MSRA: variants seen among roughly 807,000 people sequenced by gnomAD.
MSRA encodes methionine sulfoxide reductase A, also known as mitochondrial peptide methionine sulfoxide reductase.
MSRA carries 54 observed loss-of-function variants against 31.3 expected under a neutral mutation model. The ratio of observed to expected loss-of-function variants is 1.73; its 90% CI spans 1.39 to 2.17. The LOEUF is 2.17. MSRA is among the 30% of genes most tolerant of loss of function. The probability of loss-of-function intolerance (pLI) is 0.00; values close to 1 mark genes in which losing one functional copy is unlikely to be tolerated. For missense variants in MSRA, 507 were observed against 300.9 expected (o/e 1.69, Z -5.07); for synonymous variants, 169 against 116.5 (o/e 1.45, Z -2.90).
intron 5 of MSRA, among the ~76,000 whole-genome samples, chr8:10,397,595 C>T (rs13252982): frequency 2.0e-5 from 3 of 152,062 alleles, no homozygotes; most frequent in Admixed American, 6.5e-5. Context: ...TCTTCATCCA[C>T]GACGGTAGCT....
At chr8:10,329,034 C>G (rs1802539052) in intron 5 of MSRA, among the ~76,000 whole-genome samples, 2 of 152,172 alleles carry the variant, frequency 1.3e-5, no homozygotes, top group Non-Finnish European at 2.9e-5. Context: ...TCTCTTGACA[C>G]CGAAGTTGCT....
intron 5 of MSRA, among the ~76,000 whole-genome samples, chr8:10,358,694 G>A (rs1292393002): frequency 2.2e-5 from 3 of 137,218 alleles, no homozygotes; most frequent in Admixed American, 7.8e-5. Context: ...CCGGGTTCAC[G>A]CCATTCTCCT....
intron 5 of MSRA, among the ~76,000 whole-genome samples, chr8:10,349,683 G>A (rs1445144894): frequency 6.6e-6 from 1 of 152,186 alleles, no homozygotes. Context: ...ACGGGGCCTG[G>A]CGCTCCTCGA....
intron 3 of MSRA, among the ~76,000 whole-genome samples, chr8:10,258,614 A>G (rs1244660260): frequency 6.6e-6 from 1 of 152,208 alleles, no homozygotes; most frequent in Non-Finnish European, 1.5e-5. Context: ...TAAGCCCTGC[A>G]CGGTGCTTCC....
rs549875312 is a variant in MSRA at position 10,426,428 on chromosome 8, G to A, written c.544-1720G>A. ...AAATTGCCAAAAGTCATTGCTGATG[G>A]CATTCCACGGACTCTCTGGAGAGGG... On this transcript the variant is annotated intron_variant, in intron 5 of 5. Coordinates refer to ENST00000317173, the MANE Select transcript of MSRA (RefSeq NM_012331.5). Among the ~76,000 whole-genome samples the A allele has an allele frequency of 3.9e-5, 6 of 152,368 alleles. No homozygotes were observed. The East Asian group carries it at 1.2e-3, about 29-fold the overall frequency.
At chr8:10,248,290 C>T (rs908483255) in intron 3 of MSRA, among the ~76,000 whole-genome samples, 4 of 152,172 alleles carry the variant, frequency 2.6e-5, no homozygotes, top group African/African-American at 4.8e-5. Flanking sequence ...GGATTGTGTG[C>T]AGATTCCTTC....
chr8:10,202,716 A>G (rs1010201509), intron 1 of MSRA, among the ~76,000 whole-genome samples: 10 of 152,260 alleles, frequency 6.6e-5, no homozygotes, highest in South Asian at 2.1e-4. Flanking sequence ...TAAAGTTCAC[A>G]CAGGTGATAA....
intron 5 of MSRA, among the ~76,000 whole-genome samples, chr8:10,409,653 A>C (rs1808036195): frequency 2.0e-5 from 3 of 152,250 alleles, no homozygotes; most frequent in Non-Finnish European, 4.4e-5. Context: ...GGGTGAATGC[A>C]TACGCAGCAT....
intron 3 of MSRA, among the ~76,000 whole-genome samples, chr8:10,271,665 A>C (rs1180180283): frequency 6.6e-6 from 1 of 152,158 alleles, no homozygotes; most frequent in African/African-American, 2.4e-5. Context: ...TCTTTTATAA[A>C]ATAGTTTGCT....
At chr8:10,270,596 T>A (rs1318350956) in intron 3 of MSRA, among the ~76,000 whole-genome samples, 1 of 152,156 alleles carries the variant, frequency 6.6e-6, no homozygotes, top group Non-Finnish European at 1.5e-5. Context: ...ACAGGGCCAC[T>A]GAAACCACGT....
intron 1 of MSRA, among the ~76,000 whole-genome samples, chr8:10,176,320 G>T (rs917581385): frequency 6.6e-6 from 1 of 152,142 alleles, no homozygotes; most frequent in African/African-American, 2.4e-5. Context: ...CCTCAGAGAT[G>T]CCAGCTCTGT....
chr8:10,266,837 C>G (rs1585315932), intron 3 of MSRA, among the ~76,000 whole-genome samples: 1 of 152,088 alleles, frequency 6.6e-6, no homozygotes, highest in African/African-American at 2.4e-5. Context: ...CCGATGGTGA[C>G]AGAAGTCTTC....
intron 1 of MSRA, among the ~76,000 whole-genome samples, chr8:10,092,406 C>T (rs889005876): frequency 1.3e-5 from 2 of 152,114 alleles, no homozygotes; most frequent in East Asian, 3.9e-4. Context: ...CGCCTGTAAT[C>T]CCAGCAGTTT....
intron 5 of MSRA, among the ~76,000 whole-genome samples, chr8:10,329,886 T>C (rs1246611038): frequency 6.6e-6 from 1 of 151,794 alleles, no homozygotes; most frequent in African/African-American, 2.4e-5. Context: ...CATACATCTC[T>C]ACCTTCAAAA....
At chr8:10,320,067 G>C (rs1801961766) in intron 5 of MSRA, 78 bp downstream of exon 5, 1 of 851,516 alleles carries the variant, frequency 1.2e-6, no homozygotes, top group East Asian at 2.8e-5. Context: ...AGGGCAGTCT[G>C]CTGCTTTTCA....
At position 10,245,293 on chromosome 8, in the gene MSRA, A is replaced by G; in HGVS notation, c.331+70A>G. ...GGGCTTGTCACTACTGTTGGGTGACAGGCTCTTTAAAATGGAAATATGTTT... is the reference window on the plus strand; with the variant it reads ...GGGCTTGTCACTACTGTTGGGTGACGGGCTCTTTAAAATGGAAATATGTTT... On this transcript the variant is annotated intron_variant, in intron 3 of 5. Transcript: ENST00000317173. 2.1e-6 allele frequency: 3 copies of G among 1,400,084 alleles called. No individual in the cohort carries two copies. In the South Asian group the frequency reaches 3.9e-5, roughly 18 times the overall value. The allele number at this position is 1,400,084 out of a possible 1,614,324, so 86.7% of individuals were successfully genotyped here. A position where few individuals can be genotyped will look rare whatever the true frequency, so the allele number is the denominator to read the frequency against.
At chr8:10,316,152 T>A (rs914436320) in intron 4 of MSRA, among the ~76,000 whole-genome samples, 3 of 152,014 alleles carry the variant, frequency 2.0e-5, no homozygotes, top group African/African-American at 7.2e-5. Context: ...AGGTGATAGA[T>A]AGTGACCGTA....
At chr8:10,120,281 A>C (rs1265603874) in intron 1 of MSRA, among the ~76,000 whole-genome samples, 1 of 152,200 alleles carries the variant, frequency 6.6e-6, no homozygotes, top group African/African-American at 2.4e-5. Flanking sequence ...GCTTGGAAAC[A>C]ATCACTTTGT....
At chr8:10,074,709 A>C (rs184571553) in intron 1 of MSRA, among the ~76,000 whole-genome samples, 1 of 151,504 alleles carries the variant, frequency 6.6e-6, no homozygotes, top group Non-Finnish European at 1.5e-5. Flanking sequence ...CTGAGGCTGG[A>C]GTGCAGTAGT....
Sources: allele counts gnomAD v4.1 joint callset (sites outside exome capture counted in the v4.1 genomes callset), GRCh38; gene constraint gnomAD v4.1.1; transcripts MANE v1.5; gene names NCBI Gene and HGNC (gene_info 2026-07-23, HGNC 2026-07-21).